The following GATB variants were observed in gnomAD, a reference collection of about 807,000 sequenced individuals.
GATB encodes glutamyl-tRNA amidotransferase subunit B.
Under a neutral mutation model 62.3 loss-of-function variants are expected in GATB, and 39 were observed. The observed-to-expected ratio is 0.63, with a 90% CI of 0.48 to 0.82. The LOEUF is 0.82. GATB is among the 40% of genes least tolerant of loss of function. GATB has a pLI of 0.00. For synonymous variants in GATB, 276 were observed against 258.9 expected (o/e 1.07, Z -0.63); for missense variants, 670 against 684.0 (o/e 0.98, Z 0.23).
rs193187799 is a variant in GATB, at chr4:151,699,351, T to G, written c.1197+1978A>C. 9.0e-4 allele frequency among the ~76,000 whole-genome samples: 133 copies of G among 147,016 alleles called. 1 individual carries two copies. The highest frequency in any genetic ancestry group is 3.3e-3 in the African/African-American group (129 of 39,304). ...TTGCAGTGAGCTGAGATCGTGCCAC[T>G]GCACTCCAGCCTGGGCGAGAGTTGA... On this transcript the variant is annotated intron_variant, in intron 9 of 12. Coordinates refer to ENST00000263985, the MANE Select transcript of GATB (RefSeq NM_004564.3).
chr4:151,707,927 G>T (rs1321006877), intron 6 of GATB, 61 bp downstream of exon 6: 2 of 1,140,402 alleles, frequency 1.8e-6, no homozygotes, highest in Non-Finnish European at 2.6e-6. Flanking sequence ...TGGGTTGTTT[G>T]TTACCCAGCA....
At position 151,679,803 on chromosome 4, in the gene GATB, G is replaced by C; in HGVS notation, c.1410+10C>G. 11 of 1,611,230 alleles carry C rather than the reference G, an allele frequency of 6.8e-6. No homozygotes were observed. Among genetic ancestry groups the C allele is most frequent in the Non-Finnish European group, 9.3e-6 (11 of 1,177,326 alleles). ...AGCACAGTCAGAAGCTGTCGGGAGT[G>C]TGGACATACCTGTTTAGCTGCTGAT... On this transcript the variant is annotated intron_variant, in intron 11 of 12. Transcript: ENST00000263985.
chr4:151,741,737 T>C lies in GATB; in HGVS notation c.327+17035A>G, dbSNP rs574498845. 5.9e-5 allele frequency among the ~76,000 whole-genome samples: 9 copies of C among 152,352 alleles called. No individual in the cohort carries two copies. In the East Asian group the frequency reaches 1.7e-3, roughly 29 times the overall value. ...GGAAAGCGAACTCTCAATTTCCTCA[T>C]TGATTTCTCCCACTAGAGCCAGCTG... On this transcript the variant is annotated intron_variant, in intron 2 of 12. Transcript: ENST00000263985.
intron 9 of GATB, among the ~76,000 whole-genome samples, chr4:151,696,859 GTATTATAATAAC>G (rs1410922865): frequency 1.3e-5 from 2 of 152,210 alleles, no homozygotes; most frequent in African/African-American, 4.8e-5. Flanking sequence ...TCTGATCATT[GTATTATAATAAC>G]TACTACTGAT....
At chr4:151,695,888 G>GGTGTGTGC (rs1442935874) in intron 9 of GATB, among the ~76,000 whole-genome samples, 15 of 151,600 alleles carry the variant, frequency 9.9e-5, no homozygotes, top group African/African-American at 3.4e-4. Context: ...CTCCCGAGTA[G>GGTGTGTGC]CTGGGACTAC....
intron 2 of GATB, chr4:151,722,216 C>G (rs941633647): frequency 2.9e-6 from 2 of 701,062 alleles, no homozygotes; most frequent in African/African-American, 1.8e-5. Flanking sequence ...TGTCTTCACT[C>G]TGAAAAAAAA....
chr4:151,717,158 C>T, intron 3 of GATB, 84 bp from the exon 4 acceptor site: 1 of 1,307,404 alleles, frequency 7.6e-7, no homozygotes, highest in Non-Finnish European at 1.1e-6. Flanking sequence ...TACAATGTCA[C>T]ACAACGACAG....
intron 2 of GATB, among the ~76,000 whole-genome samples, chr4:151,731,306 G>A (rs1203645493): frequency 3.3e-5 from 5 of 152,204 alleles, no homozygotes; most frequent in South Asian, 2.1e-4. Flanking sequence ...TGGTGGAGAC[G>A]GGGTTTCGCC....
At chr4:151,708,529 C>A (rs1348763243) in intron 5 of GATB, among the ~76,000 whole-genome samples, 1 of 152,146 alleles carries the variant, frequency 6.6e-6, no homozygotes. Flanking sequence ...TCTGATAACC[C>A]TACACTGCTC....
intron 2 of GATB, among the ~76,000 whole-genome samples, chr4:151,726,178 G>A (rs1247118584): frequency 6.6e-6 from 1 of 152,170 alleles, no homozygotes; most frequent in African/African-American, 2.4e-5. Flanking sequence ...GTAAAAAGAA[G>A]GCAGTAAAAC....
intron 2 of GATB, among the ~76,000 whole-genome samples, chr4:151,728,213 C>T (rs376429233): frequency 6.6e-5 from 10 of 152,292 alleles, no homozygotes; most frequent in South Asian, 4.1e-4. Flanking sequence ...CTAAAAGAAA[C>T]GAGCTTCTAA....
chr4:151,707,091 A>G (rs1738729192), intron 6 of GATB, among the ~76,000 whole-genome samples: 1 of 152,246 alleles, frequency 6.6e-6, no homozygotes, highest in Non-Finnish European at 1.5e-5. Context: ...TAGCAGTTAA[A>G]AAGAATATAA....
At chr4:151,703,288 A>C (rs1738644652) in intron 8 of GATB, 1 of 152,772 alleles carries the variant, frequency 6.5e-6, no homozygotes, top group African/African-American at 2.4e-5. Flanking sequence ...TTGTTGCTTA[A>C]AACTTCAACC....
At chr4:151,687,191 T>C (rs188868362) in intron 10 of GATB, 6 of 152,312 alleles carry the variant, frequency 3.9e-5, no homozygotes, top group African/African-American at 1.2e-4. Context: ...ACGAGATAAC[T>C]CTCAACTGCA....
At chr4:151,698,599 C>A (rs945010845) in intron 9 of GATB, among the ~76,000 whole-genome samples, 4 of 152,116 alleles carry the variant, frequency 2.6e-5, no homozygotes, top group Non-Finnish European at 5.9e-5. Context: ...GGAAAAAACA[C>A]GAACATATCA....
chr4:151,692,205 G>A (rs1738379937), intron 9 of GATB, among the ~76,000 whole-genome samples: 1 of 152,196 alleles, frequency 6.6e-6, no homozygotes, highest in Admixed American at 6.5e-5. Context: ...GCACTAGCTT[G>A]CTTGAGGTCC....
chr4:151,760,962 G>T lies in GATB; in HGVS notation c.21C>A (p.Arg7=). The part of the protein sequence containing the change: MAAPML[R]WGCRGRRWAF... ...CCCAACGTCTTCCACGGCAGCCCCA[G>T]CGCAGCATGGGCGCCGCCATTGTAA... The change falls in exon 1 of 13, where the codon CGC becomes CGA. Residue 7 remains arginine, a synonymous_variant. Transcript: ENST00000263985. 1 of 1,612,202 alleles carries T rather than the reference G, an allele frequency of 6.2e-7. No individual in the cohort carries two copies. The highest frequency in any genetic ancestry group is 2.2e-5 in the East Asian group (1 of 44,860).
At chr4:151,759,735 A>G (rs1213902198) in intron 1 of GATB, among the ~76,000 whole-genome samples, 7 of 152,088 alleles carry the variant, frequency 4.6e-5, no homozygotes, top group Non-Finnish European at 8.8e-5. Flanking sequence ...CTTATTCCCT[A>G]TGAAATCCAT....
chr4:151,723,498 T>G (rs1490046109), intron 2 of GATB: 1 of 152,212 alleles, frequency 6.6e-6, no homozygotes, highest in Non-Finnish European at 1.5e-5. Context: ...TCAACCCAAA[T>G]CCTACTGTAC....
Sources: allele counts gnomAD v4.1 joint callset (sites outside exome capture counted in the v4.1 genomes callset), GRCh38; gene constraint gnomAD v4.1.1; transcripts MANE v1.5; gene names NCBI Gene and HGNC (gene_info 2026-07-23, HGNC 2026-07-21).